The following TLR2 variants were observed in gnomAD, a reference collection of about 807,000 sequenced individuals.
The protein encoded by TLR2 is toll-like receptor 2.
TLR2 carries 7 observed loss-of-function variants against 9.1 expected under a neutral mutation model. That is an observed-to-expected ratio of 0.77 (90% confidence interval 0.44 to 1.44). TLR2 has a LOEUF of 1.44. TLR2 is among the 40% of genes most tolerant of loss of function. The probability of loss-of-function intolerance (pLI) is 0.01; values close to 1 mark genes in which losing one functional copy is unlikely to be tolerated. For missense variants in TLR2, 812 were observed against 904.6 expected, an observed-to-expected ratio of 0.90 and a Z score of 1.31; for synonymous variants, 317 against 344.6, an observed-to-expected ratio of 0.92 and a Z score of 0.89.
rs1014775437 is a variant in TLR2, at chr4:153,704,358, T to C, written c.1451T>C (p.Ile484Thr). The change falls in exon 3 of 3, where the codon ATT becomes ACT. Residue 484 changes from isoleucine (I) to threonine (T), a missense_variant. By Grantham distance (89) the Ile-to-Thr change is moderately conservative. Transcript: ENST00000642700. ...LNLPQLKELY[I>T]SRNKLMTLPD... Reference sequence around the variant, plus strand: ...TTGCCGCAACTCAAAGAACTTTATATTTCCAGAAATAAGTTGATGACTCTA... The same window carrying C: ...TTGCCGCAACTCAAAGAACTTTATACTTCCAGAAATAAGTTGATGACTCTA... The C allele has an allele frequency of 3.1e-6, 5 of 1,613,742 alleles. No homozygotes were observed. The African/African-American group carries it at 6.7e-5, about 22-fold the overall frequency.
intron 2 of TLR2, among the ~76,000 whole-genome samples, chr4:153,690,083 C>T (rs543421722): frequency 6.6e-6 from 1 of 152,288 alleles, no homozygotes; most frequent in African/African-American, 2.4e-5. Flanking sequence ...TAACCTCTAC[C>T]CCAAGTTATT....
chr4:153,704,811 C>G lies in TLR2; in HGVS notation c.1904C>G (p.Pro635Arg). Residue 635 changes from proline to arginine, a missense_variant, in exon 3 of 3, where the codon CCC becomes CGC. Pro to Arg is a moderately radical substitution (Grantham distance 103). Transcript: ENST00000642700. The stretch of plus-strand genomic sequence containing the variant: ...GCCAAAAGGAAGCCCAGGAAAGCTC[C>G]CAGCAGGAACATCTGCTATGATGCA... ...LQAKRKPRKA[P>R]SRNICYDAFV... is the part of the protein sequence containing the mutation. 1 of 1,613,906 alleles carries G rather than the reference C, an allele frequency of 6.2e-7. No homozygotes were observed. Among genetic ancestry groups the G allele is most frequent in the Non-Finnish European group, 8.5e-7 (1 of 1,179,972 alleles).
At chr4:153,692,243 A>G (rs1309444381) in intron 2 of TLR2, among the ~76,000 whole-genome samples, 2 of 152,236 alleles carry the variant, frequency 1.3e-5, no homozygotes, top group Non-Finnish European at 2.9e-5. Context: ...ATAGCAGAAG[A>G]AGGCAGTCCC....
At chr4:153,710,305 T>A (rs940399155), downstream of TLR2, 63 of 1,317,416 alleles carry the variant, frequency 4.8e-5, no homozygotes, top group Admixed American at 6.1e-5. Flanking sequence ...ATTAAAAAAA[T>A]TAATATTAAA....
chr4:153,701,742 T>C (rs1736905543), intron 2 of TLR2: 1 of 149,898 alleles, frequency 6.7e-6, no homozygotes, highest in Admixed American at 6.7e-5. Flanking sequence ...AAATCCAGAA[T>C]AAATATGCAT....
downstream of TLR2, chr4:153,710,378 C>A: frequency 1.3e-6 from 2 of 1,554,550 alleles, no homozygotes; most frequent in Non-Finnish European, 1.7e-6. Context: ...CCTATTCCAG[C>A]CCTAGTGAAT....
intron 2 of TLR2, among the ~76,000 whole-genome samples, chr4:153,694,240 C>G (rs1257541281): frequency 6.6e-6 from 1 of 152,222 alleles, no homozygotes; most frequent in African/African-American, 2.4e-5. Context: ...TTGTTTGTGG[C>G]TTAGGAATGC....
intron 2 of TLR2, among the ~76,000 whole-genome samples, chr4:153,700,369 A>G (rs2127053157): frequency 6.6e-6 from 1 of 152,364 alleles, no homozygotes; most frequent in East Asian, 1.9e-4. Context: ...TAAATCTCAC[A>G]AAATATGCTT....
chr4:153,697,039 C>T (rs894289525), intron 2 of TLR2, among the ~76,000 whole-genome samples: 1 of 151,890 alleles, frequency 6.6e-6, no homozygotes, highest in African/African-American at 2.4e-5. Flanking sequence ...AAGTAGAATG[C>T]CTGGTTGTTA....
At position 153,705,262 on chromosome 4, in the gene TLR2, G is replaced by C. The variant is rs754885765; in HGVS notation, c.2355G>C (p.Ter785TyrextTer26). ...ATCTGAGAGCTGCGATAAAGTCCTA[G>C]GTTCCCATATTTAAGACCAGTCTTT... Reference protein sequence around the residue: ...WVNLRAAIKS* With the variant: ...WVNLRAAIKSY Residue 785 changes from the stop codon to tyrosine, a stop_lost, in exon 3 of 3, where the codon TAG becomes TAC. Coordinates refer to ENST00000642700, the MANE Select transcript of TLR2 (RefSeq NM_001318789.2). The C allele has an allele frequency of 6.4e-7, 1 of 1,558,214 alleles. No homozygotes were observed. Among genetic ancestry groups the C allele is most frequent in the Admixed American group, 2.0e-5 (1 of 49,844 alleles).
At chr4:153,708,649 G>C (rs1021230774), downstream of TLR2, among the ~76,000 whole-genome samples, 1 of 152,178 alleles carries the variant, frequency 6.6e-6, no homozygotes. Context: ...GGAAAACTCA[G>C]ACTGTACCTG....
chr4:153,699,626 G>A (rs1358978506), intron 2 of TLR2, among the ~76,000 whole-genome samples: 2 of 152,166 alleles, frequency 1.3e-5, no homozygotes, highest in Non-Finnish European at 2.9e-5. Context: ...AGTGGGGCAG[G>A]GGGTGTGATA....
At chr4:153,710,425 G>T (rs1375355316), downstream of TLR2, 2 of 1,588,058 alleles carry the variant, frequency 1.3e-6, no homozygotes, top group Non-Finnish European at 1.7e-6. Context: ...ACCACAGGTT[G>T]CCAGGCCACC....
intron 2 of TLR2, among the ~76,000 whole-genome samples, chr4:153,692,815 ACTTTAAGGG>A (rs931052164): frequency 6.6e-6 from 1 of 152,158 alleles, no homozygotes; most frequent in Non-Finnish European, 1.5e-5. Context: ...ACTTTGATAT[ACTTTAAGGG>A]CTTTACCAAC....
chr4:153,706,643 G>A (rs1256251366), downstream of TLR2, among the ~76,000 whole-genome samples: 1 of 152,142 alleles, frequency 6.6e-6, no homozygotes, highest in African/African-American at 2.4e-5. Flanking sequence ...AGCACTATTT[G>A]CTGATTCTAT....
chr4:153,704,714 C>G lies in TLR2; in HGVS notation c.1807C>G (p.Leu603Val), dbSNP rs375680390. 1 of 1,613,974 alleles carries G rather than the reference C, an allele frequency of 6.2e-7. No homozygotes were observed. The highest frequency in any genetic ancestry group is 8.5e-7 in the Non-Finnish European group (1 of 1,179,980). The change falls in exon 3 of 3, where the codon CTG (leucine) becomes GTG (valine). Residue 603 changes from leucine (L) to valine (V), a missense_variant. Leu to Val is a conservative substitution (Grantham distance 32). Coordinates refer to ENST00000642700, the MANE Select transcript of TLR2 (RefSeq NM_001318789.2). ...GMCCALFLLI[L>V]LTGVLCHRFH... Reference sequence around the variant, plus strand: ...GTGCTGTGCTCTGTTCCTGCTGATCCTGCTCACGGGGGTCCTGTGCCACCG... The same window carrying G: ...GTGCTGTGCTCTGTTCCTGCTGATCGTGCTCACGGGGGTCCTGTGCCACCG...
At chr4:153,699,581 A>G (rs1017167952) in intron 2 of TLR2, among the ~76,000 whole-genome samples, 1 of 152,228 alleles carries the variant, frequency 6.6e-6, no homozygotes, top group African/African-American at 2.4e-5. Context: ...GTTTCTTTAA[A>G]TAACAGGATT....
At position 153,704,729 on chromosome 4, in the gene TLR2, C is replaced by T. The variant is rs1467345020; in HGVS notation, c.1822C>T (p.Leu608=). 7.4e-6 allele frequency: 12 copies of T among 1,613,868 alleles called. No individual in the cohort carries two copies. Among genetic ancestry groups the T allele is most frequent in the Non-Finnish European group, 9.3e-6 (11 of 1,179,982 alleles). The stretch of plus-strand genomic sequence containing the variant: ...CCTGCTGATCCTGCTCACGGGGGTC[C>T]TGTGCCACCGTTTCCATGGCCTGTG... ...LFLLILLTGV[L]CHRFHGLWYM... The change falls in exon 3 of 3, where the codon CTG becomes TTG. Residue 608 remains leucine (L), a synonymous_variant. Coordinates refer to ENST00000642700, the MANE Select transcript of TLR2 (RefSeq NM_001318789.2).
downstream of TLR2, among the ~76,000 whole-genome samples, chr4:153,709,771 G>C (rs959343600): frequency 2.6e-5 from 4 of 152,246 alleles, no homozygotes; most frequent in African/African-American, 9.6e-5. Flanking sequence ...TAGTACAGCT[G>C]TTGCATGGGT....
Sources: gnomAD v4.1 joint callset for allele counts (sites outside exome capture counted in the v4.1 genomes callset) on GRCh38, gnomAD v4.1.1 for gene constraint, MANE v1.5 for transcripts, NCBI Gene and HGNC (gene_info 2026-07-23, HGNC 2026-07-21) for gene names.